The following CCDC141 variants were observed in gnomAD, a reference collection of about 807,000 sequenced individuals.
CCDC141 encodes coiled-coil domain-containing protein 141.
CCDC141 carries 168 observed loss-of-function variants against 181.0 expected under a neutral mutation model. The observed-to-expected ratio is 0.93, with a 90% confidence interval of 0.82 to 1.05. The LOEUF (loss-of-function observed/expected upper bound fraction) is 1.05, where lower values mean the gene tolerates loss of function less well. Ranked by LOEUF, CCDC141 falls within the 50% of genes least tolerant of loss-of-function variation. The pLI is 0.00. For missense variants in CCDC141, 1,902 were observed against 1,788.5 expected, an observed-to-expected ratio of 1.06 and a Z score of -1.14; for synonymous variants, 666 against 642.3, an observed-to-expected ratio of 1.04 and a Z score of -0.56.
chr2:178,843,813 G>T (rs2154366462), intron 22 of CCDC141, among the ~76,000 whole-genome samples: 1 of 152,220 alleles, frequency 6.6e-6, no homozygotes, highest in South Asian at 2.1e-4. Context: ...AAATAATACA[G>T]ACAATAAGAG....
At chr2:178,930,338 T>C (rs1323646235) in intron 6 of CCDC141, among the ~76,000 whole-genome samples, 1 of 152,072 alleles carries the variant, frequency 6.6e-6, no homozygotes, top group Non-Finnish European at 1.5e-5. Context: ...TATCACATGA[T>C]CATGAATTGG....
At chr2:178,944,682 A>G (rs929521574) in intron 5 of CCDC141, 31 bp from the exon 6 acceptor site, 5 of 1,025,812 alleles carry the variant, frequency 4.9e-6, no homozygotes, top group Non-Finnish European at 7.1e-6. Flanking sequence ...AAAGATCAAA[A>G]TTCAAATGAT....
chr2:178,818,704 G>A, the CCDC141 span, among the ~76,000 whole-genome samples: 3 of 152,084 alleles, frequency 2.0e-5, no homozygotes, highest in Non-Finnish European at 4.4e-5. Context: ...TTGATTTCAT[G>A]TTTTTGCTAT....
intron 5 of CCDC141, among the ~76,000 whole-genome samples, chr2:178,949,887 G>A (rs1203679436): frequency 6.6e-6 from 1 of 152,202 alleles, no homozygotes; most frequent in African/African-American, 2.4e-5. Context: ...CGGCAAGAAG[G>A]TGAACTTCTG....
chr2:178,904,801 C>T (rs1041052646), intron 8 of CCDC141, among the ~76,000 whole-genome samples: 4 of 152,236 alleles, frequency 2.6e-5, no homozygotes, highest in Admixed American at 2.0e-4. Flanking sequence ...ATAAAACAGG[C>T]CCACCTAGAG....
intron 21 of CCDC141, among the ~76,000 whole-genome samples, chr2:178,846,542 C>T (rs995502144): frequency 4.4e-4 from 67 of 152,134 alleles, no homozygotes; most frequent in African/African-American, 1.6e-3. Flanking sequence ...TCAGGGAGAC[C>T]CACTACTGGG....
rs751179163 is a variant in CCDC141 at position 178,856,409 on chromosome 2, T to C, written c.2725-12A>G. 1.4e-5 allele frequency: 21 copies of C among 1,530,330 alleles called. No homozygotes were observed. Among genetic ancestry groups the C allele is most frequent in the Non-Finnish European group, 1.8e-5 (20 of 1,127,944 alleles). The allele number at this position is 1,530,330 out of a possible 1,614,324, so 94.8% of individuals were successfully genotyped here. ...AATGAGTCTTTGAGCTGTAGTTCAA[T>C]AAAAAGAAATAGGTGGTTTCCTTAA... On this transcript the variant is annotated splice_polypyrimidine_tract_variant and intron_variant, in intron 17 of 23. Coordinates refer to ENST00000443758, the MANE Select transcript of CCDC141 (RefSeq NM_173648.4).
chr2:178,973,014 G>A (rs1690965774), intron 4 of CCDC141, among the ~76,000 whole-genome samples: 1 of 152,116 alleles, frequency 6.6e-6, no homozygotes, highest in African/African-American at 2.4e-5. Context: ...CTACTCAACT[G>A]ATTAACATCT....
At chr2:178,973,764 G>A (rs1277202077) in intron 4 of CCDC141, among the ~76,000 whole-genome samples, 4 of 152,142 alleles carry the variant, frequency 2.6e-5, no homozygotes, top group Non-Finnish European at 5.9e-5. Context: ...TCATTGTCAG[G>A]TTTCTGGAGG....
intron 6 of CCDC141, among the ~76,000 whole-genome samples, chr2:178,940,315 G>T (rs1027957527): frequency 2.6e-5 from 4 of 152,168 alleles, no homozygotes; most frequent in Non-Finnish European, 5.9e-5. Context: ...ATTGCAACTA[G>T]AAATTAGCAT....
At chr2:178,896,439 C>T (rs908055758) in intron 8 of CCDC141, among the ~76,000 whole-genome samples, 2 of 152,098 alleles carry the variant, frequency 1.3e-5, no homozygotes, top group Admixed American at 1.3e-4. Flanking sequence ...TTTGATTGTC[C>T]CTGAGGCCTG....
At position 178,978,530 on chromosome 2, in the gene CCDC141, GTTC is replaced by G. The variant is rs1364043944; in HGVS notation, c.368_370del (p.Arg123del). The G allele has an allele frequency of 1.3e-6, 2 of 1,538,582 alleles. No individual in the cohort carries two copies. The highest frequency in any genetic ancestry group is 2.1e-5 in the Admixed American group (1 of 48,038). On this transcript the variant is annotated inframe_deletion, in exon 3 of 24. Transcript: ENST00000443758. ...TTCAGAAGTCAACCTAAGGAGCTCT[GTTC>G]TTCTTTCAAGCATGGACACCAGAGC...
intron 4 of CCDC141, among the ~76,000 whole-genome samples, chr2:178,964,425 G>A (rs1367417706): frequency 6.6e-6 from 1 of 152,092 alleles, no homozygotes; most frequent in Non-Finnish European, 1.5e-5. Context: ...TGGTCAACCT[G>A]TTATGGTTCC....
intron 11 of CCDC141, among the ~76,000 whole-genome samples, 159 bp downstream of exon 11, chr2:178,884,742 C>G (rs1339033098): frequency 6.6e-6 from 1 of 152,176 alleles, no homozygotes; most frequent in Non-Finnish European, 1.5e-5. Flanking sequence ...CTGCTGCAAT[C>G]ACTCTTTGGT....
intron 8 of CCDC141, among the ~76,000 whole-genome samples, chr2:178,903,981 C>G (rs1687838839): frequency 6.6e-6 from 1 of 152,076 alleles, no homozygotes; most frequent in African/African-American, 2.4e-5. Flanking sequence ...ACCCCGAGTC[C>G]AGGCACAATA....
At chr2:178,940,054 C>T (rs1689445366) in intron 6 of CCDC141, among the ~76,000 whole-genome samples, 1 of 152,104 alleles carries the variant, frequency 6.6e-6, no homozygotes, top group Admixed American at 6.5e-5. Context: ...TGAGGAAATA[C>T]ATTAGATAGG....
rs1052873180 is a variant in CCDC141, at chr2:178,954,215, T to G, written c.780+7015A>C. ...GCCTGATTGGAGCAATTGAGAAAAA[T>G]TACATTCATAAATCTTCTTGCCAAG... On this transcript the variant is annotated intron_variant, in intron 5 of 23. Coordinates refer to ENST00000443758, the MANE Select transcript of CCDC141 (RefSeq NM_173648.4). 9.9e-5 allele frequency among the ~76,000 whole-genome samples: 15 copies of G among 152,272 alleles called. No homozygotes were observed. In the East Asian group the frequency reaches 2.9e-3, roughly 29 times the overall value.
At chr2:179,000,869 A>T (rs192192300) in intron 2 of CCDC141, among the ~76,000 whole-genome samples, 38 of 152,378 alleles carry the variant, frequency 2.5e-4, no homozygotes, top group African/African-American at 9.1e-4. Flanking sequence ...ATTGACTAGC[A>T]ATATCATAAT....
intron 14 of CCDC141, among the ~76,000 whole-genome samples, chr2:178,869,974 G>A (rs1221567914): frequency 6.6e-6 from 1 of 152,188 alleles, no homozygotes; most frequent in African/African-American, 2.4e-5. Flanking sequence ...GCTCACGCCT[G>A]TAATCCCAGC....
Sources: allele counts gnomAD v4.1 joint callset (sites outside exome capture counted in the v4.1 genomes callset), GRCh38; gene constraint gnomAD v4.1.1; transcripts MANE v1.5; gene names NCBI Gene and HGNC (gene_info 2026-07-23, HGNC 2026-07-21).